Variants in SMYD3 observed in about 807,000 individuals in gnomAD.
The protein encoded by SMYD3 is SET and MYND domain containing 3.
Under a neutral mutation model 57.7 loss-of-function variants are expected in SMYD3, and 36 were observed. The ratio of observed to expected loss-of-function variants is 0.62; its 90% CI spans 0.48 to 0.82. SMYD3 has a LOEUF of 0.82. Ranked by LOEUF, SMYD3 falls within the 40% of genes least tolerant of loss-of-function variation. The pLI, the probability that SMYD3 is intolerant of heterozygous loss-of-function variation, is 0.00. For missense variants in SMYD3, 515 were observed against 538.8 expected, an observed-to-expected ratio of 0.96 and a Z score of 0.44; for synonymous variants, 211 against 195.0, an observed-to-expected ratio of 1.08 and a Z score of -0.68.
At chr1:245,794,157 A>G (rs1193556977) in intron 10 of SMYD3, among the ~76,000 whole-genome samples, 1 of 152,226 alleles carries the variant, frequency 6.6e-6, no homozygotes, top group Non-Finnish European at 1.5e-5. Flanking sequence ...GTTCACATTC[A>G]TTAGTAAATT....
At chr1:245,756,307 A>G (rs1467768451) in intron 11 of SMYD3, among the ~76,000 whole-genome samples, 1 of 151,782 alleles carries the variant, frequency 6.6e-6, no homozygotes, top group Non-Finnish European at 1.5e-5. Context: ...TTTGTAATAC[A>G]ATTGCCCTAA....
chr1:246,077,362 C>T (rs923445139), intron 5 of SMYD3, among the ~76,000 whole-genome samples: 1 of 152,134 alleles, frequency 6.6e-6, no homozygotes, highest in Non-Finnish European at 1.5e-5. Flanking sequence ...CAACCTCAGG[C>T]AGACTGCAGT....
At chr1:245,904,140 C>A (rs928718110) in intron 8 of SMYD3, among the ~76,000 whole-genome samples, 3 of 152,108 alleles carry the variant, frequency 2.0e-5, no homozygotes, top group African/African-American at 7.2e-5. Flanking sequence ...CCATAATTCT[C>A]ACAGGTCAAG....
chr1:246,503,174 T>C (rs2068483264), intron 1 of SMYD3, among the ~76,000 whole-genome samples: 2 of 152,196 alleles, frequency 1.3e-5, no homozygotes, highest in South Asian at 4.1e-4. Flanking sequence ...CTGTTTTCCC[T>C]ACCTCTGTCC....
At chr1:245,906,361 G>A (rs1045218792) in intron 8 of SMYD3, among the ~76,000 whole-genome samples, 4 of 152,152 alleles carry the variant, frequency 2.6e-5, no homozygotes, top group Non-Finnish European at 5.9e-5. Context: ...TTGCTCAAAA[G>A]AAGACATACA....
chr1:246,373,104 TA>T (rs897558607), intron 1 of SMYD3, among the ~76,000 whole-genome samples: 1 of 151,922 alleles, frequency 6.6e-6, no homozygotes, highest in Non-Finnish European at 1.5e-5. Flanking sequence ...TTCAATGTAT[TA>T]AAAAAAAGAC....
At chr1:246,131,461 G>C (rs2061585905) in intron 5 of SMYD3, among the ~76,000 whole-genome samples, 1 of 152,122 alleles carries the variant, frequency 6.6e-6, no homozygotes, top group African/African-American at 2.4e-5. Flanking sequence ...AGAACCTTAG[G>C]TTCTTATTCA....
rs1164274725 is a variant in SMYD3 at position 246,248,808 on chromosome 1, A to ATTTTTTTTTT, written c.531+78383_531+78392dup. Among the ~76,000 whole-genome samples the ATTTTTTTTTT allele has an allele frequency of 2.7e-4, 24 of 90,426 alleles. 1 individual carries two copies. The highest frequency in any genetic ancestry group is 9.4e-4 in the South Asian group (2 of 2,122). 59.3% of individuals were successfully genotyped at this position (90,426 alleles called of 152,430 possible). On this transcript the variant is annotated intron_variant, in intron 5 of 11. Transcript: ENST00000490107. ...AGGCGCCCGCCACCATGCCCGGCTA[A>ATTTTTTTTTT]TTTTTTTTTTTTTTTTTTTTTGTAT...
At chr1:246,016,349 G>A (rs538664125) in intron 5 of SMYD3, among the ~76,000 whole-genome samples, 3 of 152,172 alleles carry the variant, frequency 2.0e-5, no homozygotes, top group South Asian at 2.1e-4. Context: ...TTGGGAGGCC[G>A]AGGCAGGTGG....
chr1:246,054,570 G>A (rs2060116380), intron 5 of SMYD3, among the ~76,000 whole-genome samples: 1 of 152,104 alleles, frequency 6.6e-6, no homozygotes, highest in Non-Finnish European at 1.5e-5. Flanking sequence ...ATTACTGATA[G>A]GTCCAATAAT....
intron 10 of SMYD3, among the ~76,000 whole-genome samples, chr1:245,821,123 A>C (rs1180521784): frequency 6.7e-6 from 1 of 150,298 alleles, no homozygotes; most frequent in African/African-American, 2.4e-5. Context: ...AGCTGGAGGC[A>C]TCATGCTACC....
At chr1:245,940,989 G>GA (rs1046009176) in intron 5 of SMYD3, among the ~76,000 whole-genome samples, 1 of 152,164 alleles carries the variant, frequency 6.6e-6, no homozygotes, top group Non-Finnish European at 1.5e-5. Flanking sequence ...TGATGGAGCT[G>GA]AAAAACACAA....
chr1:246,205,832 GACA>G (rs1347196657), intron 5 of SMYD3, among the ~76,000 whole-genome samples: 6 of 151,834 alleles, frequency 4.0e-5, no homozygotes, highest in Admixed American at 6.5e-5. Context: ...AAACAACAAA[GACA>G]ACAACAACAA....
chr1:245,959,789 TCATTTTTGAGA>T (rs2057952886), intron 5 of SMYD3, among the ~76,000 whole-genome samples: 1 of 152,214 alleles, frequency 6.6e-6, no homozygotes, highest in African/African-American at 2.4e-5. Context: ...TTTTCTTTTT[TCATTTTTGAGA>T]CAGGGTCTTG....
intron 8 of SMYD3, among the ~76,000 whole-genome samples, chr1:245,870,297 A>C (rs1009110156): frequency 1.3e-5 from 2 of 152,158 alleles, no homozygotes; most frequent in Admixed American, 6.5e-5. Flanking sequence ...TATTTGTCAA[A>C]TACTACAGCT....
intron 5 of SMYD3, among the ~76,000 whole-genome samples, chr1:246,107,247 A>C (rs1320349891): frequency 1.3e-5 from 2 of 151,860 alleles, no homozygotes; most frequent in Admixed American, 6.6e-5. Flanking sequence ...AGATTGCGCC[A>C]CTGCACTCCA....
At chr1:246,222,240 T>C (rs988366470) in intron 5 of SMYD3, among the ~76,000 whole-genome samples, 3 of 152,126 alleles carry the variant, frequency 2.0e-5, no homozygotes, top group African/African-American at 7.3e-5. Flanking sequence ...ATAATCATAA[T>C]AGAACTGGAA....
At chr1:245,962,774 C>T (rs547938847) in intron 5 of SMYD3, among the ~76,000 whole-genome samples, 20 of 126,232 alleles carry the variant, frequency 1.6e-4, no homozygotes, top group Middle Eastern at 7.4e-3. Context: ...AAACCAAAGT[C>T]GGCCTGAATA....
At chr1:246,090,461 C>T (rs751922140) in intron 5 of SMYD3, among the ~76,000 whole-genome samples, 1 of 151,628 alleles carries the variant, frequency 6.6e-6, no homozygotes, top group Non-Finnish European at 1.5e-5. Context: ...TGGGTCTTCT[C>T]CACTTGGAAG....
Sources: gnomAD v4.1 joint callset for allele counts (sites outside exome capture counted in the v4.1 genomes callset) on GRCh38, gnomAD v4.1.1 for gene constraint, MANE v1.5 for transcripts, NCBI Gene and HGNC (gene_info 2026-07-23, HGNC 2026-07-21) for gene names.